Variants in TIMD4 observed in about 807,000 individuals in gnomAD.
TIMD4 encodes T cell immunoglobulin and mucin domain containing 4.
Under a neutral mutation model 41.2 loss-of-function variants are expected in TIMD4, and 31 were observed. That is an observed-to-expected ratio of 0.75 (90% CI 0.57 to 1.01). TIMD4 has a LOEUF of 1.01. Ranked by LOEUF, TIMD4 falls within the 50% of genes least tolerant of loss-of-function variation. The pLI is 0.00. For missense variants in TIMD4, 479 were observed against 472.5 expected (o/e 1.01, Z -0.13); for synonymous variants, 204 against 177.1 (o/e 1.15, Z -1.21).
intron 2 of TIMD4, among the ~76,000 whole-genome samples, chr5:156,952,838 G>A (rs1759887800): frequency 6.6e-6 from 1 of 152,180 alleles, no homozygotes; most frequent in Non-Finnish European, 1.5e-5. Context: ...ACAGTGTCTT[G>A]CATATAGTAG....
chr5:156,921,615 T>TC (rs1489773103), intron 7 of TIMD4, among the ~76,000 whole-genome samples: 20 of 31,780 alleles, frequency 6.3e-4, no homozygotes, highest in African/African-American at 2.1e-3. Context: ...TGAGACTCTC[T>TC]CAAAAAAAAA....
In TIMD4 at chr5:156,957,242, A is replaced by G. The variant is rs147679887; in HGVS notation, c.59-2486T>C. Among the ~76,000 whole-genome samples the G allele has an allele frequency of 9.2e-3, 1,403 of 152,280 alleles. 5 individuals are homozygous for G. The highest frequency in any genetic ancestry group is 0.012 in the African/African-American group (503 of 41,570). ...ATAAATGAAGTGGGAGGCTGGGCAC[A>G]GTGGCTTATGCCTGTAATCCCAGCA... On this transcript the variant is annotated intron_variant, in intron 1 of 8. Coordinates refer to ENST00000274532, the MANE Select transcript of TIMD4 (RefSeq NM_138379.3).
intron 5 of TIMD4, among the ~76,000 whole-genome samples, chr5:156,927,363 T>C (rs1207853976): frequency 1.3e-5 from 2 of 152,202 alleles, no homozygotes; most frequent in African/African-American, 4.8e-5. Context: ...TCAGCAAAGC[T>C]GTGGAAACAA....
chr5:156,921,338 A>G (rs1759233494), intron 7 of TIMD4, among the ~76,000 whole-genome samples: 1 of 152,092 alleles, frequency 6.6e-6, no homozygotes, highest in African/African-American at 2.4e-5. Flanking sequence ...AACCAGGATC[A>G]CGCCAGGCAT....
In TIMD4 at chr5:156,954,354, C is replaced by A. The variant is rs926482965; in HGVS notation, c.400+61G>T. 4 of 1,486,176 alleles carry A rather than the reference C, an allele frequency of 2.7e-6. No individual in the cohort carries two copies. The African/African-American group carries it at 5.5e-5, about 21-fold the overall frequency. 92.1% of individuals were successfully genotyped at this position (1,486,176 alleles called of 1,614,324 possible). A position where few individuals can be genotyped will look rare whatever the true frequency, so the allele number is the denominator to read the frequency against. On this transcript the variant is annotated intron_variant, in intron 2 of 8. Transcript: ENST00000274532. ...ACCTCTTCACCACCATCCACTGATCCCATTGTCCATTAACCACTGAATCTC... is the reference window on the plus strand; with the variant it reads ...ACCTCTTCACCACCATCCACTGATCACATTGTCCATTAACCACTGAATCTC...
At chr5:156,962,573 C>T (rs1405557719) in intron 1 of TIMD4, among the ~76,000 whole-genome samples, 12 of 152,012 alleles carry the variant, frequency 7.9e-5, no homozygotes, top group East Asian at 1.9e-4. Context: ...AGTTAGTGCC[C>T]GAGACGCAGC....
At chr5:156,938,513 T>C (rs1190051739) in intron 5 of TIMD4, among the ~76,000 whole-genome samples, 1 of 152,136 alleles carries the variant, frequency 6.6e-6, no homozygotes, top group Non-Finnish European at 1.5e-5. Context: ...CCCAGTCTTC[T>C]CCCACCTCCT....
rs1406963781 is a variant in TIMD4, at chr5:156,922,130, G to C, written c.981C>G (p.Leu327=). ...MIIAPSLGFV[L]FALFVAFLLR... ...GGAGAAACGCCACAAACAATGCGAA[G>C]AGCACAAATCCCAAGGAGGGGGCGA... The change falls in exon 7 of 9, where the codon CTC becomes CTG. Residue 327 remains leucine, a synonymous_variant. Transcript: ENST00000274532. The C allele has an allele frequency of 1.2e-6, 2 of 1,613,922 alleles. No individual in the cohort carries two copies. Among genetic ancestry groups the C allele is most frequent in the Non-Finnish European group, 1.7e-6 (2 of 1,179,884 alleles).
chr5:156,922,061 G>A (rs779735315), intron 7 of TIMD4, 38 bp downstream of exon 7: 3 of 1,539,020 alleles, frequency 1.9e-6, no homozygotes, highest in South Asian at 2.3e-5. Context: ...AGTCGCCAGG[G>A]TTCTGAAGTG....
chr5:156,939,258 G>A (rs370426845), intron 5 of TIMD4, among the ~76,000 whole-genome samples: 117 of 152,164 alleles, frequency 7.7e-4, no homozygotes, highest in African/African-American at 1.8e-3. Flanking sequence ...CTCCTTTATC[G>A]TGGACCTTAT....
rs754534905 is a variant in TIMD4 at position 156,954,393 on chromosome 5, A to G, written c.400+22T>C. On this transcript the variant is annotated intron_variant, in intron 2 of 8. Transcript: ENST00000274532. ...CCACTGAATCTCTCCTTCCGCAGGC[A>G]TGAGGCCCTTCGTGTGCTTACCTCT... 4.4e-6 allele frequency: 7 copies of G among 1,601,490 alleles called. No individual in the cohort carries two copies. The South Asian group carries it at 4.5e-5, about 10-fold the overall frequency.
intron 5 of TIMD4, among the ~76,000 whole-genome samples, chr5:156,928,396 GGA>G (rs1561545294): frequency 6.6e-6 from 1 of 151,900 alleles, no homozygotes; most frequent in African/African-American, 2.4e-5. Flanking sequence ...AGGAGGTGGA[GGA>G]GAGAAAAAAA....
chr5:156,924,526 C>T (rs1451962383), intron 6 of TIMD4: 2 of 411,460 alleles, frequency 4.9e-6, no homozygotes, highest in Non-Finnish European at 9.7e-6. Context: ...AAGAAGCAGG[C>T]ATTTCTACCC....
rs1759920020 is a variant in TIMD4 at position 156,954,280 on chromosome 5, G to A, written c.400+135C>T. Reference sequence around the variant, plus strand: ...ATTTACTTGCCTACTTCAAACCACGGCACTTTATTTCAAATTCAATCTTCC... The same window carrying A: ...ATTTACTTGCCTACTTCAAACCACGACACTTTATTTCAAATTCAATCTTCC... On this transcript the variant is annotated intron_variant, in intron 2 of 8. Transcript: ENST00000274532. The A allele has an allele frequency of 6.9e-6, 6 of 867,714 alleles. No homozygotes were observed. The South Asian group carries it at 7.4e-5, about 11-fold the overall frequency. The allele number at this position is 867,714 out of a possible 1,614,324, so 53.8% of individuals were successfully genotyped here. A position where few individuals can be genotyped will look rare whatever the true frequency, so the allele number is the denominator to read the frequency against.
intron 5 of TIMD4, among the ~76,000 whole-genome samples, chr5:156,940,567 C>T (rs1267152504): frequency 2.0e-5 from 3 of 151,806 alleles, no homozygotes; most frequent in Non-Finnish European, 2.9e-5. Flanking sequence ...TCTGCCCCGC[C>T]GCCCCGTCTG....
chr5:156,949,116 C>T (rs911064996), intron 4 of TIMD4, among the ~76,000 whole-genome samples: 12 of 152,134 alleles, frequency 7.9e-5, no homozygotes, highest in African/African-American at 2.7e-4. Context: ...TGATGCCAAT[C>T]GTGTCTTATT....
At position 156,922,164 on chromosome 5, in the gene TIMD4, AG is replaced by A; in HGVS notation, c.946del (p.Leu316Ter). The A allele has an allele frequency of 6.2e-7, 1 of 1,614,100 alleles. No individual in the cohort carries two copies. Among genetic ancestry groups the A allele is most frequent in the East Asian group, 2.2e-5 (1 of 44,884 alleles). ...TCCCAAGGAGGGGGCGATGATCATC[AG>A]TAGTTGGGAGATGGGCATTTCATTC... is the stretch of plus-strand genomic sequence containing the variant. Reference protein sequence around the residue: ...MKNEMPISQLLMIIAPSLGFV... With the variant: ...MKNEMPISQLXMIIAPSLGFV... On this transcript the variant is annotated frameshift_variant, in exon 7 of 9. Transcript: ENST00000274532. LOFTEE classifies it high-confidence loss of function.
intron 7 of TIMD4, among the ~76,000 whole-genome samples, chr5:156,921,810 A>T (rs937952147): frequency 2.0e-5 from 3 of 152,158 alleles, no homozygotes; most frequent in African/African-American, 4.8e-5. Flanking sequence ...AATTAGGCAC[A>T]TCAAGAGTAT....
chr5:156,923,427 G>A (rs908725423), intron 6 of TIMD4, among the ~76,000 whole-genome samples: 2 of 151,708 alleles, frequency 1.3e-5, no homozygotes, highest in Middle Eastern at 3.2e-3. Flanking sequence ...GGGATTATAG[G>A]CATGAGCCAC....
Sources: allele counts gnomAD v4.1 joint callset (sites outside exome capture counted in the v4.1 genomes callset), GRCh38; gene constraint gnomAD v4.1.1; transcripts MANE v1.5; gene names NCBI Gene and HGNC (gene_info 2026-07-23, HGNC 2026-07-21).